Variants in GALNT14 observed in about 807,000 individuals in gnomAD.
The protein encoded by GALNT14 is UDP-GalNAc:polypeptide N-acetylgalactosaminyltransferase 14.
In GALNT14, 60 loss-of-function variants were observed where a neutral mutation model predicts 77.5. That is an observed-to-expected ratio of 0.77 (90% confidence interval 0.63 to 0.96). GALNT14 has a LOEUF of 0.96. Among genes scored for constraint, GALNT14 ranks in the 40% least tolerant of loss-of-function variants. The probability of loss-of-function intolerance (pLI) is 0.00; values close to 1 mark genes in which losing one functional copy is unlikely to be tolerated. For missense variants in GALNT14, 710 were observed against 731.0 expected (o/e 0.97, Z 0.33); for synonymous variants, 280 against 281.7 (o/e 0.99, Z 0.06).
At chr2:30,949,569 C>T (rs1466137613) in intron 6 of GALNT14, among the ~76,000 whole-genome samples, 1 of 152,208 alleles carries the variant, frequency 6.6e-6, no homozygotes, top group Non-Finnish European at 1.5e-5. Flanking sequence ...CCAACTCCTA[C>T]CCAACCCTCA....
intron 7 of GALNT14, among the ~76,000 whole-genome samples, chr2:30,945,445 C>T (rs905084026): frequency 6.6e-5 from 10 of 152,210 alleles, no homozygotes; most frequent in South Asian, 2.1e-4. Flanking sequence ...AGAATAATCA[C>T]GTCTCTAGGA....
At chr2:31,047,979 G>A (rs1037858624) in intron 1 of GALNT14, among the ~76,000 whole-genome samples, 10 of 152,184 alleles carry the variant, frequency 6.6e-5, no homozygotes, top group African/African-American at 2.2e-4. Context: ...CAACAGCATC[G>A]GCTCGCAGCC....
At position 30,912,357 on chromosome 2, in the gene GALNT14, ACCAGGAAGGTTTGTTCAGGAT is replaced by A. The variant is rs1558396308; in HGVS notation, c.1381-36_1381-16del. ...AAGGCCCATACCTGGGGAGAAAGAG[ACCAGGAAGGTTTGTTCAGGAT>A]CCAGGAAGCCACCACTCGTGGGATA... On this transcript the variant is annotated splice_polypyrimidine_tract_variant and intron_variant, in intron 13 of 14. Coordinates refer to ENST00000349752, the MANE Select transcript of GALNT14 (RefSeq NM_024572.4). 4 of 1,613,306 alleles carry A rather than the reference ACCAGGAAGGTTTGTTCAGGAT, an allele frequency of 2.5e-6. No homozygotes were observed. Among genetic ancestry groups the A allele is most frequent in the Non-Finnish European group, 2.5e-6 (3 of 1,179,654 alleles).
At chr2:31,024,395 C>T (rs1039816438) in intron 1 of GALNT14, among the ~76,000 whole-genome samples, 7 of 152,114 alleles carry the variant, frequency 4.6e-5, no homozygotes, top group Non-Finnish European at 8.8e-5. Context: ...CCCACCAAGG[C>T]CCCACACACG....
chr2:31,010,862 C>T (rs1324508988), intron 1 of GALNT14, among the ~76,000 whole-genome samples: 1 of 152,240 alleles, frequency 6.6e-6, no homozygotes, highest in Non-Finnish European at 1.5e-5. Flanking sequence ...GGAATACTCT[C>T]AATCTGATCA....
chr2:30,902,741 C>T, the GALNT14 span, among the ~76,000 whole-genome samples: 5 of 152,062 alleles, frequency 3.3e-5, no homozygotes, highest in Non-Finnish European at 2.9e-5. Flanking sequence ...GCTGAAATGC[C>T]CAGCCCAGCA....
chr2:31,126,833 C>T (rs1215046838), intron 1 of GALNT14: 7 of 152,242 alleles, frequency 4.6e-5, no homozygotes, highest in African/African-American at 1.7e-4. Flanking sequence ...CTTTGGTTAG[C>T]TGGTGCTTGT....
chr2:31,021,507 T>C (rs532804454), intron 1 of GALNT14, among the ~76,000 whole-genome samples: 2 of 151,978 alleles, frequency 1.3e-5, no homozygotes, highest in Admixed American at 6.6e-5. Flanking sequence ...GGTTTTGCCA[T>C]GTTGGTCAGG....
At chr2:30,992,791 A>T (rs1438014087) in intron 2 of GALNT14, 47 bp downstream of exon 2, 1 of 1,594,980 alleles carries the variant, frequency 6.3e-7, no homozygotes, top group Admixed American at 1.7e-5. Flanking sequence ...CCTGCTGTTG[A>T]TCTCTTTTGA....
intron 1 of GALNT14, among the ~76,000 whole-genome samples, chr2:31,023,636 A>G (rs1160807350): frequency 6.6e-6 from 1 of 152,022 alleles, no homozygotes. Flanking sequence ...GAGAATCATC[A>G]TGACTTGCAC....
At chr2:31,070,921 G>T (rs1675324787) in intron 1 of GALNT14, among the ~76,000 whole-genome samples, 1 of 152,196 alleles carries the variant, frequency 6.6e-6, no homozygotes, top group Non-Finnish European at 1.5e-5. Flanking sequence ...GCCTCCTCAG[G>T]CTTGGAAAAA....
At chr2:31,008,645 TG>T (rs1244695127) in intron 1 of GALNT14, among the ~76,000 whole-genome samples, 5 of 152,186 alleles carry the variant, frequency 3.3e-5, no homozygotes, top group Non-Finnish European at 7.3e-5. Context: ...AAATCAAGGC[TG>T]GAAGAGAGGC....
chr2:31,009,256 C>T (rs1670869539), intron 1 of GALNT14, among the ~76,000 whole-genome samples: 1 of 152,146 alleles, frequency 6.6e-6, no homozygotes, highest in African/African-American at 2.4e-5. Context: ...CACTAAGGCA[C>T]AATTTGGCAC....
At chr2:31,128,109 C>A (rs1269537405) in intron 1 of GALNT14, among the ~76,000 whole-genome samples, 3 of 152,122 alleles carry the variant, frequency 2.0e-5, no homozygotes, top group Admixed American at 1.3e-4. Context: ...AAGACATCAG[C>A]AGCCTCCTGA....
intron 1 of GALNT14, among the ~76,000 whole-genome samples, chr2:31,087,760 AT>A (rs1486819170): frequency 6.6e-6 from 1 of 152,214 alleles, no homozygotes; most frequent in Non-Finnish European, 1.5e-5. Context: ...GGATTTGGCA[AT>A]ACAGATGATG....
chr2:31,010,169 G>T (rs1670929520), intron 1 of GALNT14, among the ~76,000 whole-genome samples: 2 of 152,290 alleles, frequency 1.3e-5, no homozygotes, highest in Middle Eastern at 6.8e-3. Context: ...TATCTTTTTA[G>T]TAGAGACGGG....
In GALNT14 at chr2:30,942,237, CA is replaced by C. The variant is rs753174245; in HGVS notation, c.894del (p.Tyr298Ter). On this transcript the variant is annotated frameshift_variant, in exon 9 of 15. Transcript: ENST00000349752. LOFTEE classifies it high-confidence loss of function. Reference sequence around the variant, plus strand: ...CCACCCCAGATGTCCATGTCCATATCATATTTCCCCAGGTAATCAAACCAAG... The same window carrying C: ...CCACCCCAGATGTCCATGTCCATATCTATTTCCCCAGGTAATCAAACCAAG... ...DKAWFDYLGK[Y>X]DMDMDIWGGE... 265 of 1,613,972 alleles carry C rather than the reference CA, an allele frequency of 1.6e-4. No homozygotes were observed. The highest frequency in any genetic ancestry group is 2.2e-4 in the Non-Finnish European group (257 of 1,180,000).
chr2:31,113,232 C>G (rs6543601), intron 1 of GALNT14, among the ~76,000 whole-genome samples: 83,749 of 152,066 alleles, frequency 0.55, 24,121 homozygotes, highest in African/African-American at 0.71. Context: ...AGTGGTGTCT[C>G]TCTCAGCACC....
At chr2:31,093,507 G>C (rs1162143022) in intron 1 of GALNT14, among the ~76,000 whole-genome samples, 2 of 152,142 alleles carry the variant, frequency 1.3e-5, no homozygotes, top group Non-Finnish European at 2.9e-5. Context: ...TAGAGGAGAG[G>C]CCATGTCCCC....
Sources: allele counts gnomAD v4.1 joint callset (sites outside exome capture counted in the v4.1 genomes callset), GRCh38; gene constraint gnomAD v4.1.1; transcripts MANE v1.5; gene names NCBI Gene and HGNC (gene_info 2026-07-23, HGNC 2026-07-21).